SLC5A1: variants seen among roughly 807,000 people sequenced by gnomAD.
The protein encoded by SLC5A1 is solute carrier family 5 member 1, also known as sodium/glucose cotransporter 1.
SLC5A1 carries 42 observed loss-of-function variants against 73.5 expected under a neutral mutation model. The ratio of observed to expected loss-of-function variants is 0.57; its 90% confidence interval spans 0.45 to 0.74. The LOEUF (loss-of-function observed/expected upper bound fraction) is 0.74. Among genes scored for constraint, SLC5A1 ranks in the 30% least tolerant of loss-of-function variants. SLC5A1 has a pLI of 0.00. For missense variants in SLC5A1, 634 were observed against 855.4 expected, an observed-to-expected ratio of 0.74 and a Z score of 3.23; for synonymous variants, 300 against 317.4, an observed-to-expected ratio of 0.95 and a Z score of 0.58.
intron 11 of SLC5A1, among the ~76,000 whole-genome samples, chr22:32,094,714 A>G (rs757867366): frequency 1.3e-5 from 2 of 151,886 alleles, no homozygotes; most frequent in Non-Finnish European, 2.9e-5. Context: ...AATTGTGCTT[A>G]TTTGGATTTT....
In SLC5A1 at chr22:32,091,615, T is replaced by C. The variant is rs758494611; in HGVS notation, c.1133T>C (p.Leu378Pro). Residue 378 changes from leucine (L) to proline (P), a missense_variant, in exon 11 of 15, where the codon CTG becomes CCG. By Grantham distance (98) the Leu-to-Pro change is moderately conservative. Coordinates refer to ENST00000266088, the MANE Select transcript of SLC5A1 (RefSeq NM_000343.4). ...CTCAAAAATCCTTCTCTTCCAGGACTGCGAGGCCTGATGCTATCAGTCATG... is the reference window on the plus strand; with the variant it reads ...CTCAAAAATCCTTCTCTTCCAGGACCGCGAGGCCTGATGCTATCAGTCATG... ...TLVVELMPNG[L>P]RGLMLSVMLA... 6.2e-7 allele frequency: 1 copy of C among 1,614,134 alleles called. No individual in the cohort carries two copies. Among genetic ancestry groups the C allele is most frequent in the South Asian group, 1.1e-5 (1 of 91,082 alleles).
chr22:32,096,014 G>T (rs2094025713), intron 11 of SLC5A1, among the ~76,000 whole-genome samples: 1 of 152,128 alleles, frequency 6.6e-6, no homozygotes, highest in Non-Finnish European at 1.5e-5. Flanking sequence ...CAGTATTTGG[G>T]CTGTCTCCTG....
chr22:32,100,092 C>T (rs2094033766), intron 12 of SLC5A1, among the ~76,000 whole-genome samples: 1 of 152,150 alleles, frequency 6.6e-6, no homozygotes, highest in Non-Finnish European at 1.5e-5. Flanking sequence ...CAGTACTGCC[C>T]AGACCTTTCA....
chr22:32,084,638 G>A lies in SLC5A1; in HGVS notation c.864G>A (p.Leu288=). Residue 288 remains leucine, a synonymous_variant, in exon 8 of 15, where the codon TTG becomes TTA. Coordinates refer to ENST00000266088, the MANE Select transcript of SLC5A1 (RefSeq NM_000343.4). The stretch of plus-strand genomic sequence containing the variant: ...TCTTTGGGATGTCCATCCTTACCTT[G>A]TGGTACTGGTGCACAGATCAGGTAC... ...GFIFGMSILT[L]WYWCTDQVIV... The A allele has an allele frequency of 1.2e-6, 2 of 1,614,086 alleles. No individual in the cohort carries two copies. Among genetic ancestry groups the A allele is most frequent in the Non-Finnish European group, 1.7e-6 (2 of 1,179,938 alleles).
intron 9 of SLC5A1, 137 bp from the exon 10 acceptor site, chr22:32,086,083 G>A: frequency 1.5e-6 from 1 of 669,248 alleles, no homozygotes; most frequent in East Asian, 3.1e-5. Context: ...AGAGCTTGCA[G>A]TGAGCCGAGA....
chr22:32,083,258 T>C (rs1770429012), intron 7 of SLC5A1, 104 bp downstream of exon 7: 2 of 918,444 alleles, frequency 2.2e-6, no homozygotes, highest in Non-Finnish European at 3.5e-6. Context: ...GACTAGGCAG[T>C]GAGCTGAGGC....
chr22:32,063,954 T>C (rs1253740521), intron 2 of SLC5A1, among the ~76,000 whole-genome samples: 4 of 152,192 alleles, frequency 2.6e-5, no homozygotes, highest in Non-Finnish European at 5.9e-5. Flanking sequence ...TTCCACTCTC[T>C]TCTCAGATAG....
chr22:32,085,495 G>A (rs1226508661), intron 9 of SLC5A1, among the ~76,000 whole-genome samples: 1 of 150,664 alleles, frequency 6.6e-6, no homozygotes, highest in Non-Finnish European at 1.5e-5. Context: ...CAACTTGAGG[G>A]AACTTTTGGA....
At chr22:32,081,503 C>T (rs1166855832) in intron 5 of SLC5A1, among the ~76,000 whole-genome samples, 7 of 152,144 alleles carry the variant, frequency 4.6e-5, no homozygotes, top group Non-Finnish European at 7.4e-5. Context: ...AAAAGATGGA[C>T]AATAGCTCAG....
At chr22:32,064,972 C>T (rs1021870586) in intron 2 of SLC5A1, among the ~76,000 whole-genome samples, 1 of 152,142 alleles carries the variant, frequency 6.6e-6, no homozygotes, top group Admixed American at 6.6e-5. Flanking sequence ...GAGTCAGGGT[C>T]TCACTCTGTC....
Position 32,049,944 on chromosome 22 carries a change from CTA to C in SLC5A1, c.139_140del (p.Met47ValfsTer30). 6.2e-7 allele frequency: 1 copy of C among 1,613,838 alleles called. No individual in the cohort carries two copies. On this transcript the variant is annotated frameshift_variant and splice_region_variant, in exon 2 of 15. Transcript: ENST00000266088. LOFTEE classifies it high-confidence loss of function. ...CATTTTTGACCCTTTCCTCCTCAGG[CTA>C]TGTTTTCCACCAATCGTGGGACTGT...
chr22:32,052,345 T>C (rs1196892455), intron 2 of SLC5A1, among the ~76,000 whole-genome samples: 2 of 152,150 alleles, frequency 1.3e-5, no homozygotes, highest in African/African-American at 4.8e-5. Flanking sequence ...TTGGGTAAAA[T>C]ATATCTGATT....
intron 10 of SLC5A1, among the ~76,000 whole-genome samples, chr22:32,089,615 T>C (rs113530816): frequency 5.4e-4 from 82 of 152,312 alleles, no homozygotes; most frequent in African/African-American, 1.8e-3. Context: ...ACCTGTTCTG[T>C]TGGGTACCAT....
At chr22:32,064,152 T>C (rs903023579) in intron 2 of SLC5A1, among the ~76,000 whole-genome samples, 8 of 152,196 alleles carry the variant, frequency 5.3e-5, no homozygotes, top group African/African-American at 1.7e-4. Context: ...AATGAAAAGA[T>C]AGTGGGTCAG....
In SLC5A1 at chr22:32,110,276, C is replaced by T. The variant is rs1158279456; in HGVS notation, c.*63C>T. On this transcript the variant is annotated 3_prime_UTR_variant, in exon 15 of 15. Transcript: ENST00000266088. ...CTTACTCACCTTCCTTTAGTCTCGT[C>T]CTGTGGTGTTGAAGGGAAATCAGCC... The T allele has an allele frequency of 7.6e-7, 1 of 1,317,914 alleles. No individual in the cohort carries two copies. The highest frequency in any genetic ancestry group is 1.4e-5 in the African/African-American group (1 of 69,324). 81.6% of individuals were successfully genotyped at this position (1,317,914 alleles called of 1,614,324 possible).
intron 2 of SLC5A1, among the ~76,000 whole-genome samples, chr22:32,056,661 G>A (rs1005603843): frequency 6.6e-6 from 1 of 152,118 alleles, no homozygotes; most frequent in African/African-American, 2.4e-5. Flanking sequence ...TGGAGAAGAC[G>A]CCCTGGGATC....
intron 5 of SLC5A1, among the ~76,000 whole-genome samples, chr22:32,074,596 C>T (rs1033495088): frequency 1.3e-5 from 2 of 152,124 alleles, no homozygotes; most frequent in African/African-American, 4.8e-5. Context: ...AGACTCTATA[C>T]ACTGGTCTCT....
chr22:32,104,808 T>C lies in SLC5A1; in HGVS notation c.1688T>C (p.Leu563Pro), dbSNP rs747317417. ...DVHLYRLCWS[L>P]RNSKEERIDL... The stretch of plus-strand genomic sequence containing the variant: ...CAGCTCTACCGTCTGTGTTGGAGCC[T>C]GCGCAACAGCAAAGAGGAGCGTATT... The change falls in exon 14 of 15, where the codon CTG becomes CCG. Residue 563 changes from leucine to proline, a missense_variant. Physicochemically the swap from Leu to Pro is moderately conservative, Grantham distance 98. Transcript: ENST00000266088. 6.2e-7 allele frequency: 1 copy of C among 1,614,038 alleles called. No homozygotes were observed. The highest frequency in any genetic ancestry group is 1.1e-5 in the South Asian group (1 of 91,076).
chr22:32,091,424 C>T (rs572555180), intron 10 of SLC5A1, among the ~76,000 whole-genome samples, 188 bp from the exon 11 acceptor site: 1 of 152,014 alleles, frequency 6.6e-6, no homozygotes, highest in Non-Finnish European at 1.5e-5. Context: ...CTGCTGTGGG[C>T]TTATAATGGG....
Sources: allele counts gnomAD v4.1 joint callset (sites outside exome capture counted in the v4.1 genomes callset), GRCh38; gene constraint gnomAD v4.1.1; transcripts MANE v1.5; gene names NCBI Gene and HGNC (gene_info 2026-07-23, HGNC 2026-07-21).